MYO1D: variants seen among roughly 807,000 people sequenced by gnomAD.
The protein encoded by MYO1D is myosin ID.
In MYO1D, 83 loss-of-function variants were observed where a neutral mutation model predicts 122.0. The ratio of observed to expected loss-of-function variants is 0.68; its 90% CI spans 0.57 to 0.82. MYO1D has a LOEUF of 0.82. MYO1D is among the 40% of genes least tolerant of loss of function. The pLI, the probability that MYO1D is intolerant of heterozygous loss-of-function variation, is 0.00. For synonymous variants in MYO1D, 464 were observed against 446.9 expected, an observed-to-expected ratio of 1.04 and a Z score of -0.48; for missense variants, 1,157 against 1,269.5, an observed-to-expected ratio of 0.91 and a Z score of 1.35.
At chr17:32,697,211 A>C (rs1317863442) in intron 16 of MYO1D, among the ~76,000 whole-genome samples, 4 of 152,080 alleles carry the variant, frequency 2.6e-5, no homozygotes, top group Non-Finnish European at 5.9e-5. Flanking sequence ...GTTCCTTTTC[A>C]TGTTTCCATT....
intron 10 of MYO1D, chr17:32,759,913 G>A: frequency 1.9e-6 from 1 of 517,398 alleles, no homozygotes; most frequent in Non-Finnish European, 3.4e-6. Flanking sequence ...TAGAAGAGGA[G>A]AAAAAGGAGG....
chr17:32,622,870 T>C (rs1318189931), intron 20 of MYO1D, among the ~76,000 whole-genome samples: 1 of 152,220 alleles, frequency 6.6e-6, no homozygotes, highest in East Asian at 1.9e-4. Context: ...TGGGTGCTAC[T>C]GTTAAAATGG....
chr17:32,791,165 A>C (rs532025602), intron 1 of MYO1D, among the ~76,000 whole-genome samples: 52 of 152,138 alleles, frequency 3.4e-4, no homozygotes, highest in African/African-American at 1.2e-3. Flanking sequence ...GGAGTTTGAG[A>C]CCAGCCTGGC....
chr17:32,759,986 A>C, intron 10 of MYO1D: 1 of 560,250 alleles, frequency 1.8e-6, no homozygotes. Context: ...ATAACTTAAT[A>C]AAGTATGCTA....
At chr17:32,626,596 C>T (rs321156) in intron 20 of MYO1D, among the ~76,000 whole-genome samples, 54,943 of 151,900 alleles carry the variant, frequency 0.36, 10,448 homozygotes, top group South Asian at 0.47. Context: ...ACTTTTGGTA[C>T]TATAAATCGT....
intron 1 of MYO1D, among the ~76,000 whole-genome samples, chr17:32,852,292 G>GTT (rs2090996022): frequency 6.6e-6 from 1 of 152,090 alleles, no homozygotes; most frequent in East Asian, 1.9e-4. Context: ...CACCTGGCTA[G>GTT]TTTTTGTATA....
intron 20 of MYO1D, among the ~76,000 whole-genome samples, chr17:32,614,392 T>C (rs2150921279): frequency 6.6e-6 from 1 of 152,312 alleles, no homozygotes; most frequent in Non-Finnish European, 1.5e-5. Flanking sequence ...ACTATTCAAC[T>C]TCTGTTCTTT....
intron 16 of MYO1D, among the ~76,000 whole-genome samples, chr17:32,681,559 G>A (rs1186351899): frequency 6.6e-6 from 1 of 151,734 alleles, no homozygotes; most frequent in Non-Finnish European, 1.5e-5. Context: ...TAGTTGAGCG[G>A]CTTTGAGTGG....
chr17:32,852,320 T>A (rs1174088229), intron 1 of MYO1D, among the ~76,000 whole-genome samples: 2 of 152,022 alleles, frequency 1.3e-5, no homozygotes, highest in Non-Finnish European at 1.5e-5. Context: ...AGAGACGGGG[T>A]TTCACCATGT....
chr17:32,685,930 G>A (rs2088998930), intron 16 of MYO1D, among the ~76,000 whole-genome samples: 1 of 152,146 alleles, frequency 6.6e-6, no homozygotes, highest in African/African-American at 2.4e-5. Context: ...GATAAACTGA[G>A]CCAAAATTGA....
intron 21 of MYO1D, among the ~76,000 whole-genome samples, chr17:32,583,483 G>C (rs529834165): frequency 1.3e-5 from 2 of 151,818 alleles, no homozygotes; most frequent in Non-Finnish European, 2.9e-5. Flanking sequence ...TCCTTCCTTC[G>C]GGGACTTCGC....
intron 20 of MYO1D, among the ~76,000 whole-genome samples, chr17:32,624,731 T>A (rs545499807): frequency 1.3e-5 from 2 of 150,724 alleles, no homozygotes; most frequent in Non-Finnish European, 2.9e-5. Flanking sequence ...GTGCTGTTTT[T>A]TCCCCCCTAA....
At chr17:32,498,032 G>T (rs994325313) in intron 21 of MYO1D, 1 of 152,368 alleles carries the variant, frequency 6.6e-6, no homozygotes, top group African/African-American at 2.4e-5. Context: ...GGGGCTTGGC[G>T]GAGGCAGTGT....
intron 21 of MYO1D, among the ~76,000 whole-genome samples, chr17:32,581,024 G>T (rs1029303594): frequency 6.6e-6 from 1 of 152,124 alleles, no homozygotes; most frequent in African/African-American, 2.4e-5. Flanking sequence ...TGTAGAACTG[G>T]TGATATTTCT....
chr17:32,546,762 A>G (rs1205228916), intron 21 of MYO1D, among the ~76,000 whole-genome samples: 2 of 152,226 alleles, frequency 1.3e-5, no homozygotes, highest in African/African-American at 4.8e-5. Flanking sequence ...AGCCTATAAA[A>G]TGCAAAGGTA....
chr17:32,844,702 A>G lies in MYO1D; in HGVS notation c.95+32076T>C, dbSNP rs372760871. 3.9e-4 allele frequency among the ~76,000 whole-genome samples: 60 copies of G among 152,022 alleles called. No individual in the cohort carries two copies. The East Asian group carries it at 8.5e-3, about 21-fold the overall frequency. On this transcript the variant is annotated intron_variant, in intron 1 of 21. Coordinates refer to ENST00000318217, the MANE Select transcript of MYO1D (RefSeq NM_015194.3). ...ATCACGCCACTGCACTCCAGCCTGGATGACAGGGCAAGACCCTATCTCTAA... is the reference window on the plus strand; with the variant it reads ...ATCACGCCACTGCACTCCAGCCTGGGTGACAGGGCAAGACCCTATCTCTAA...
chr17:32,854,972 A>G (rs1218333030), intron 1 of MYO1D, among the ~76,000 whole-genome samples: 1 of 152,156 alleles, frequency 6.6e-6, no homozygotes, highest in Non-Finnish European at 1.5e-5. Context: ...TCACACACGC[A>G]CACATCCCAT....
intron 16 of MYO1D, among the ~76,000 whole-genome samples, chr17:32,702,595 G>C (rs1203543373): frequency 6.6e-6 from 1 of 151,630 alleles, no homozygotes; most frequent in Non-Finnish European, 1.5e-5. Context: ...GTGCTATTCT[G>C]CTTTTGGAAT....
At chr17:32,702,081 C>T (rs1567956498) in intron 16 of MYO1D, among the ~76,000 whole-genome samples, 1 of 152,184 alleles carries the variant, frequency 6.6e-6, no homozygotes, top group Non-Finnish European at 1.5e-5. Context: ...CATAACATGC[C>T]TGCCAGTTTG....
Sources: gnomAD v4.1 joint callset for allele counts (sites outside exome capture counted in the v4.1 genomes callset) on GRCh38, gnomAD v4.1.1 for gene constraint, MANE v1.5 for transcripts, NCBI Gene and HGNC (gene_info 2026-07-23, HGNC 2026-07-21) for gene names.